Variants in SNX14 observed in about 807,000 individuals in gnomAD.
SNX14 encodes the protein sorting nexin 14.
A neutral mutation model predicts 133.8 loss-of-function variants in SNX14; 93 were observed. That is an observed-to-expected ratio of 0.70 (90% CI 0.59 to 0.83). SNX14 has a LOEUF of 0.83. SNX14 is among the 40% of genes least tolerant of loss of function. The probability of loss-of-function intolerance (pLI) is 0.00; values close to 1 mark genes in which losing one functional copy is unlikely to be tolerated. For synonymous variants in SNX14, 368 were observed against 365.6 expected (o/e 1.01, Z -0.07); for missense variants, 945 against 1,094.9 (o/e 0.86, Z 1.93).
chr6:85,534,736 A>C (rs1781341739), intron 17 of SNX14, among the ~76,000 whole-genome samples: 1 of 152,176 alleles, frequency 6.6e-6, no homozygotes. Flanking sequence ...TTAAAAGTTC[A>C]TAATAACACG....
At chr6:85,593,033 G>T (rs1803387574) in intron 1 of SNX14, among the ~76,000 whole-genome samples, 1 of 152,050 alleles carries the variant, frequency 6.6e-6, no homozygotes, top group African/African-American at 2.4e-5. Flanking sequence ...AAATTCTAAG[G>T]ATGTTGGGAC....
chr6:85,550,013 G>A (rs1787173011), intron 7 of SNX14, 134 bp from the exon 8 acceptor site: 5 of 700,484 alleles, frequency 7.1e-6, no homozygotes, highest in Non-Finnish European at 1.1e-5. Context: ...TTGTGAGGCC[G>A]AGGCAGGCAA....
At chr6:85,522,369 G>A (rs547481516) in intron 21 of SNX14, among the ~76,000 whole-genome samples, 19 of 152,210 alleles carry the variant, frequency 1.2e-4, no homozygotes, top group East Asian at 3.9e-4. Context: ...GGTCCTATGC[G>A]TGTTTATATA....
At chr6:85,528,236 T>G (rs1159641635) in intron 20 of SNX14, 26 bp downstream of exon 20, 5 of 1,506,474 alleles carry the variant, frequency 3.3e-6, no homozygotes, top group Admixed American at 1.7e-5. Context: ...TAGCAACATT[T>G]GGAATTAATA....
chr6:85,585,232 G>A (rs375560811), intron 1 of SNX14, among the ~76,000 whole-genome samples: 1 of 152,210 alleles, frequency 6.6e-6, no homozygotes, highest in East Asian at 1.9e-4. Context: ...ACCAGGACCT[G>A]CTGGGGAGTG....
chr6:85,562,197 T>C (rs1791877941), intron 6 of SNX14, among the ~76,000 whole-genome samples: 1 of 152,226 alleles, frequency 6.6e-6, no homozygotes, highest in African/African-American at 2.4e-5. Context: ...TGCGTGGTAT[T>C]CCATGGAGTA....
At position 85,576,977 on chromosome 6, in the gene SNX14, C is replaced by A. The variant is rs577417359; in HGVS notation, c.141-2599G>T. Reference sequence around the variant, plus strand: ...GAGAATGGCCTAGACTGGAAACACACAGCCTAGTTAGAAAACTGTTGCAGT... The same window carrying A: ...GAGAATGGCCTAGACTGGAAACACAAAGCCTAGTTAGAAAACTGTTGCAGT... On this transcript the variant is annotated intron_variant, in intron 1 of 28. Transcript: ENST00000314673. Among the ~76,000 whole-genome samples the A allele has an allele frequency of 5.9e-5, 9 of 152,308 alleles. No individual in the cohort carries two copies. In the East Asian group the frequency reaches 1.5e-3, roughly 26 times the overall value.
rs1027790382 is a variant in SNX14 at position 85,572,076 on chromosome 6, T to C, written c.417+61A>G. ...GATTAAATTTTTTGATTAAAAATTC[T>C]GGAAAATTTTTCCACAGGCATTTAA... On this transcript the variant is annotated intron_variant, in intron 4 of 28. Coordinates refer to ENST00000314673, the MANE Select transcript of SNX14 (RefSeq NM_153816.6). 26 of 1,426,078 alleles carry C rather than the reference T, an allele frequency of 1.8e-5. No individual in the cohort carries two copies. The African/African-American group carries it at 3.0e-4, about 17-fold the overall frequency. 88.3% of individuals were successfully genotyped at this position (1,426,078 alleles called of 1,614,324 possible). A position where few individuals can be genotyped will look rare whatever the true frequency, so the allele number is the denominator to read the frequency against.
chr6:85,537,466 T>C (rs1473783404), intron 16 of SNX14, among the ~76,000 whole-genome samples: 2 of 152,194 alleles, frequency 1.3e-5, no homozygotes, highest in African/African-American at 4.8e-5. Context: ...AAAGCAAATG[T>C]AGCCCAAGGA....
In SNX14 at chr6:85,528,335, G is replaced by C; in HGVS notation, c.1922C>G (p.Ser641Cys). 6.2e-7 allele frequency: 1 copy of C among 1,613,184 alleles called. No individual in the cohort carries two copies. The highest frequency in any genetic ancestry group is 8.5e-7 in the Non-Finnish European group (1 of 1,179,564). Residue 641 changes from serine to cysteine, a missense_variant, in exon 20 of 29, where the codon TCT becomes TGT. Ser to Cys is a moderately radical substitution (Grantham distance 112). Around this residue, in one of 3 missense-constraint regions of SNX14, gnomAD observed 412 missense variants for 516.6 expected, o/e 0.80. Coordinates refer to ENST00000314673, the MANE Select transcript of SNX14 (RefSeq NM_153816.6). Reference protein sequence around the residue: ...HGAFPDAQLPSKRIIGPKNYE... With the variant: ...HGAFPDAQLPCKRIIGPKNYE... ...ATTTTTGGGGCCAATGATCCTCTTA[G>C]AAGGAAGCTGGGCATCAGGAAATGC... is the stretch of plus-strand genomic sequence containing the variant.
At position 85,570,426 on chromosome 6, in the gene SNX14, G is replaced by A. The variant is rs1328173472; in HGVS notation, c.417+1711C>T. Among the ~76,000 whole-genome samples the A allele has an allele frequency of 2.6e-5, 4 of 152,160 alleles. No individual in the cohort carries two copies. In the East Asian group the frequency reaches 7.7e-4, roughly 29 times the overall value. On this transcript the variant is annotated intron_variant, in intron 4 of 28. Coordinates refer to ENST00000314673, the MANE Select transcript of SNX14 (RefSeq NM_153816.6). ...ACTCTCCAACAGAAATATAATGTAA[G>A]TTACCCATTAATTTTAAATTTTCTA...
chr6:85,545,324 C>A (rs551430763), intron 12 of SNX14, among the ~76,000 whole-genome samples: 2 of 152,056 alleles, frequency 1.3e-5, no homozygotes, highest in East Asian at 3.9e-4. Flanking sequence ...AAATATATCA[C>A]GTGTAAATGT....
chr6:85,526,250 A>C lies in SNX14; in HGVS notation c.1996-13T>G, dbSNP rs868103512. 11 of 1,521,460 alleles carry C rather than the reference A, an allele frequency of 7.2e-6. No homozygotes were observed. The highest frequency in any genetic ancestry group is 1.7e-4 in the Middle Eastern group (1 of 5,898). The allele number at this position is 1,521,460 out of a possible 1,614,324, so 94.2% of individuals were successfully genotyped here. A position where few individuals can be genotyped will look rare whatever the true frequency, so the allele number is the denominator to read the frequency against. On this transcript the variant is annotated splice_polypyrimidine_tract_variant and intron_variant, in intron 20 of 28. Transcript: ENST00000314673. ...GCTGCAGAAGTTTCTTGAATGAACA[A>C]AAAAAACGGAAAACACAGTTTAGAA...
At chr6:85,575,787 A>C (rs1304693501) in intron 1 of SNX14, among the ~76,000 whole-genome samples, 2 of 152,236 alleles carry the variant, frequency 1.3e-5, no homozygotes, top group Non-Finnish European at 2.9e-5. Flanking sequence ...TGACACCAGC[A>C]AAGGAACTTT....
In SNX14 at chr6:85,507,162, T is replaced by C. The variant is rs1770991167; in HGVS notation, c.2802+71A>G. The C allele has an allele frequency of 5.3e-6, 7 of 1,315,612 alleles. No individual in the cohort carries two copies. The South Asian group carries it at 7.5e-5, about 14-fold the overall frequency. 81.5% of individuals were successfully genotyped at this position (1,315,612 alleles called of 1,614,324 possible). ...AGAGACAAGGGTTTTCTTACATTTA[T>C]GTCCCTAATTAAAATAAATGTCAGC... On this transcript the variant is annotated intron_variant, in intron 28 of 28. Transcript: ENST00000314673.
chr6:85,513,081 C>T (rs556177703), intron 26 of SNX14, among the ~76,000 whole-genome samples: 25 of 152,298 alleles, frequency 1.6e-4, no homozygotes, highest in South Asian at 1.5e-3. Context: ...TTTTGAACCT[C>T]GGTGTCTAAG....
In SNX14 at chr6:85,526,025, G is replaced by A. The variant is rs534521214; in HGVS notation, c.2107+101C>T. On this transcript the variant is annotated intron_variant, in intron 21 of 28. Coordinates refer to ENST00000314673, the MANE Select transcript of SNX14 (RefSeq NM_153816.6). The stretch of plus-strand genomic sequence containing the variant: ...TCTAAATGCAGAAATAAGGGCCCTC[G>A]GAGTTTACCATAGGCTATACTATAT... 41 of 648,430 alleles carry A rather than the reference G, an allele frequency of 6.3e-5. No individual in the cohort carries two copies. The South Asian group carries it at 8.1e-4, about 13-fold the overall frequency. The allele number at this position is 648,430 out of a possible 1,614,324, so 40.2% of individuals were successfully genotyped here.
chr6:85,511,622 T>C (rs555510882), intron 26 of SNX14, among the ~76,000 whole-genome samples: 28 of 152,236 alleles, frequency 1.8e-4, no homozygotes, highest in Non-Finnish European at 2.2e-4. Context: ...TTAGATTTTG[T>C]CAAATGCTTT....
At chr6:85,579,631 A>T (rs1350163640) in intron 1 of SNX14, among the ~76,000 whole-genome samples, 1 of 152,180 alleles carries the variant, frequency 6.6e-6, no homozygotes, top group Non-Finnish European at 1.5e-5. Context: ...GAGAATTTGC[A>T]CTGAAACTCA....
Sources: gnomAD v4.1 joint callset for allele counts (sites outside exome capture counted in the v4.1 genomes callset) on GRCh38, gnomAD v4.1.1 for gene constraint, gnomAD v4.1.1 regional missense constraint, MANE v1.5 for transcripts, NCBI Gene and HGNC (gene_info 2026-07-23, HGNC 2026-07-21) for gene names.